Variants in FAM114A1 observed in about 807,000 individuals in gnomAD.
The protein encoded by FAM114A1 is protein NOXP20.
FAM114A1 carries 62 observed loss-of-function variants against 64.3 expected under a neutral mutation model. The ratio of observed to expected loss-of-function variants is 0.96; its 90% confidence interval spans 0.79 to 1.19. The LOEUF is 1.19. Ranked by LOEUF, FAM114A1 falls within the 50% of genes most tolerant of loss-of-function variation. FAM114A1 has a pLI of 0.00. For synonymous variants in FAM114A1, 254 were observed against 251.1 expected (o/e 1.01, Z -0.11); for missense variants, 645 against 676.3 (o/e 0.95, Z 0.51).
intron 8 of FAM114A1, among the ~76,000 whole-genome samples, chr4:38,921,290 G>T (rs546628933): frequency 5.9e-5 from 9 of 151,752 alleles, no homozygotes; most frequent in African/African-American, 9.7e-5. Context: ...TGTTTTTTTT[G>T]AAACAGGATC....
intron 4 of FAM114A1, among the ~76,000 whole-genome samples, chr4:38,903,544 A>G (rs1429432353): frequency 6.6e-6 from 1 of 152,122 alleles, no homozygotes; most frequent in Non-Finnish European, 1.5e-5. Context: ...GAGGCACATT[A>G]TTTCCTTTTG....
intron 3 of FAM114A1, among the ~76,000 whole-genome samples, chr4:38,885,804 T>G (rs1715737955): frequency 1.3e-5 from 2 of 152,200 alleles, no homozygotes; most frequent in Non-Finnish European, 2.9e-5. Flanking sequence ...ACTGTGCATA[T>G]TTTATTGGAA....
At chr4:38,899,942 C>T (rs1471755944) in intron 4 of FAM114A1, among the ~76,000 whole-genome samples, 1 of 152,014 alleles carries the variant, frequency 6.6e-6, no homozygotes, top group African/African-American at 2.4e-5. Context: ...TTCCACAGGA[C>T]CTTATAAGCT....
At chr4:38,917,643 TA>T (rs199786473) in intron 8 of FAM114A1, among the ~76,000 whole-genome samples, 2,232 of 151,936 alleles carry the variant, frequency 0.015, 14 homozygotes, top group Non-Finnish European at 0.02. Context: ...GGCCCTGCTG[TA>T]AAAAAAACAT....
chr4:38,872,142 A>G (rs1714136391), intron 2 of FAM114A1, among the ~76,000 whole-genome samples: 1 of 152,196 alleles, frequency 6.6e-6, no homozygotes, highest in South Asian at 2.1e-4. Flanking sequence ...CCCATCAGAG[A>G]AGACGGTAGA....
intron 3 of FAM114A1, among the ~76,000 whole-genome samples, chr4:38,890,145 C>T (rs1253786257): frequency 1.3e-5 from 2 of 152,118 alleles, no homozygotes; most frequent in Admixed American, 6.5e-5. Flanking sequence ...GTGGCTCACA[C>T]CTGTATTCCT....
intron 13 of FAM114A1, chr4:38,938,689 CT>C (rs1721309079): frequency 6.6e-6 from 1 of 152,138 alleles, no homozygotes; most frequent in African/African-American, 2.4e-5. Flanking sequence ...CTATTGCACC[CT>C]CTTGTTACCC....
chr4:38,881,046 G>T (rs565843266), intron 3 of FAM114A1, among the ~76,000 whole-genome samples: 1 of 152,008 alleles, frequency 6.6e-6, no homozygotes, highest in Admixed American at 6.6e-5. Flanking sequence ...TTAGCCAGGT[G>T]TGGTGGTGCA....
intron 4 of FAM114A1, among the ~76,000 whole-genome samples, chr4:38,896,329 A>C (rs1023308185): frequency 2.0e-5 from 3 of 152,214 alleles, no homozygotes; most frequent in African/African-American, 7.2e-5. Flanking sequence ...CTTACTGCAT[A>C]TTTTGGAGAT....
intron 10 of FAM114A1, among the ~76,000 whole-genome samples, chr4:38,930,779 A>C (rs1720561617): frequency 6.6e-6 from 1 of 152,232 alleles, no homozygotes; most frequent in South Asian, 2.1e-4. Context: ...TTCAGGGAAT[A>C]ACAGGCAGGG....
intron 3 of FAM114A1, among the ~76,000 whole-genome samples, chr4:38,890,263 C>T (rs185245251): frequency 1.6e-4 from 24 of 152,012 alleles, no homozygotes; most frequent in South Asian, 4.2e-4. Flanking sequence ...ATCAGCCAGG[C>T]GTGGTGGTGC....
At chr4:38,912,591 C>T (rs768695370) in intron 7 of FAM114A1, among the ~76,000 whole-genome samples, 55 of 152,116 alleles carry the variant, frequency 3.6e-4, no homozygotes, top group Admixed American at 8.5e-4. Context: ...ATCATATTGG[C>T]CAGGCTGGTC....
intron 4 of FAM114A1, among the ~76,000 whole-genome samples, chr4:38,897,229 TC>T (rs1256592450): frequency 6.6e-6 from 1 of 152,208 alleles, no homozygotes; most frequent in African/African-American, 2.4e-5. Flanking sequence ...AGACTCAGGT[TC>T]TTTGTATGGA....
chr4:38,911,317 A>G (rs373333708), intron 7 of FAM114A1, among the ~76,000 whole-genome samples: 2 of 152,338 alleles, frequency 1.3e-5, no homozygotes, highest in South Asian at 2.1e-4. Flanking sequence ...GGCTGCTGAC[A>G]AAGGAGACCT....
intron 2 of FAM114A1, among the ~76,000 whole-genome samples, chr4:38,873,704 C>T (rs776668041): frequency 9.2e-5 from 14 of 152,146 alleles, no homozygotes; most frequent in Non-Finnish European, 1.6e-4. Context: ...TAACAGCCCC[C>T]GAGGGTCTCT....
intron 2 of FAM114A1, among the ~76,000 whole-genome samples, 164 bp downstream of exon 2, chr4:38,868,710 A>G (rs1713716696): frequency 6.6e-6 from 1 of 152,192 alleles, no homozygotes; most frequent in Admixed American, 6.5e-5. Flanking sequence ...GGCTTCTTAA[A>G]TCAGTGTGCT....
intron 3 of FAM114A1, among the ~76,000 whole-genome samples, chr4:38,882,288 C>T (rs1341306510): frequency 1.3e-4 from 14 of 110,916 alleles, no homozygotes; most frequent in South Asian, 2.9e-4. Context: ...GTCCGCAGTC[C>T]GGCCTGGGCG....
At chr4:38,934,639 T>G (rs1481443061) in intron 12 of FAM114A1, among the ~76,000 whole-genome samples, 1 of 152,224 alleles carries the variant, frequency 6.6e-6, no homozygotes, top group African/African-American at 2.4e-5. Flanking sequence ...GGTAATCAGA[T>G]TGTTTTCAGT....
At chr4:38,892,449 T>C (rs1414687013) in intron 4 of FAM114A1, among the ~76,000 whole-genome samples, 1 of 152,216 alleles carries the variant, frequency 6.6e-6, no homozygotes, top group African/African-American at 2.4e-5. Context: ...TAAATAAATA[T>C]ATTTTTCTGG....
Sources: allele counts gnomAD v4.1 joint callset (sites outside exome capture counted in the v4.1 genomes callset), GRCh38; gene constraint gnomAD v4.1.1; transcripts MANE v1.5; gene names NCBI Gene and HGNC (gene_info 2026-07-23, HGNC 2026-07-21).